Variants in FAM47E observed in about 807,000 individuals in gnomAD.
FAM47E encodes the protein family with sequence similarity 47 member E.
A neutral mutation model predicts 41.6 loss-of-function variants in FAM47E; 32 were observed. The ratio of observed to expected loss-of-function variants is 0.77; its 90% CI spans 0.58 to 1.03. The LOEUF (loss-of-function observed/expected upper bound fraction) is 1.03, where lower values mean the gene tolerates loss of function less well. FAM47E is among the 50% of genes least tolerant of loss of function. The pLI is 0.00. For synonymous variants in FAM47E, 184 were observed against 188.7 expected, an observed-to-expected ratio of 0.98 and a Z score of 0.20; for missense variants, 424 against 485.4, an observed-to-expected ratio of 0.87 and a Z score of 1.19.
At chr4:76,222,359 T>G (rs944843149) in intron 2 of FAM47E, among the ~76,000 whole-genome samples, 1 of 152,168 alleles carries the variant, frequency 6.6e-6, no homozygotes, top group African/African-American at 2.4e-5. Flanking sequence ...CCCCAGTAGC[T>G]GGGACTATAG....
rs758671265 is a variant in FAM47E at position 76,280,287 on chromosome 4, C to T, written c.1050C>T (p.His350=). 17 of 1,550,072 alleles carry T rather than the reference C, an allele frequency of 1.1e-5. No homozygotes were observed. The highest frequency in any genetic ancestry group is 7.3e-5 in the East Asian group (3 of 40,912). ...AGGAGGAGTTACTTGCAGACCTTCA[C>T]GGAACAGTTGCCTTTAAGGATTTCA... ...QEQEELLADL[H]GTVAFKDFIL... is the part of the protein sequence containing the mutation. The change falls in exon 7 of 8, where the codon CAC becomes CAT. Residue 350 remains histidine (H), a synonymous_variant. Coordinates refer to ENST00000424749, the MANE Select transcript of FAM47E (RefSeq NM_001136570.3).
chr4:76,230,370 C>T (rs1578753968), intron 2 of FAM47E, among the ~76,000 whole-genome samples: 2 of 152,234 alleles, frequency 1.3e-5, no homozygotes, highest in East Asian at 1.9e-4. Context: ...TCTGTGCCCT[C>T]CTAACAGTGG....
At chr4:76,243,756 A>G (rs1185854927) in intron 2 of FAM47E, among the ~76,000 whole-genome samples, 2 of 151,980 alleles carry the variant, frequency 1.3e-5, no homozygotes, top group African/African-American at 4.8e-5. Flanking sequence ...TTTAAGTTTT[A>G]GGTTTGTTTA....
At chr4:76,244,913 T>C (rs1733793091) in intron 2 of FAM47E, among the ~76,000 whole-genome samples, 2 of 152,254 alleles carry the variant, frequency 1.3e-5, no homozygotes, top group Non-Finnish European at 1.5e-5. Context: ...TGCACAGTTT[T>C]ATATAAACCA....
At chr4:76,235,145 G>A (rs1461371090) in intron 2 of FAM47E, among the ~76,000 whole-genome samples, 1 of 151,946 alleles carries the variant, frequency 6.6e-6, no homozygotes, top group Admixed American at 6.6e-5. Flanking sequence ...GTGAAAACCC[G>A]TCCCTACTAA....
At chr4:76,237,078 G>C (rs912155361) in intron 2 of FAM47E, among the ~76,000 whole-genome samples, 2 of 151,658 alleles carry the variant, frequency 1.3e-5, no homozygotes, top group Admixed American at 6.6e-5. Context: ...TGTATTTTTA[G>C]TAGAGACGAG....
intron 7 of FAM47E, 134 bp from the exon 8 acceptor site, chr4:76,283,247 T>G: frequency 2.7e-6 from 1 of 367,480 alleles, no homozygotes. Context: ...ATTATTAACA[T>G]GTGATTTTGC....
At chr4:76,225,369 T>A (rs1195561244) in intron 2 of FAM47E, among the ~76,000 whole-genome samples, 1 of 152,206 alleles carries the variant, frequency 6.6e-6, no homozygotes, top group Non-Finnish European at 1.5e-5. Flanking sequence ...CTTTACCAAT[T>A]TGGATGCCTT....
chr4:76,247,094 GCACTAA>G (rs1414215223), upstream of FAM47E, among the ~76,000 whole-genome samples: 3 of 151,938 alleles, frequency 2.0e-5, no homozygotes, highest in Non-Finnish European at 4.4e-5. Context: ...TATCCATTAT[GCACTAA>G]CTCCTCATTT....
chr4:76,268,457 T>G (rs1195769611), intron 3 of FAM47E: 4 of 509,432 alleles, frequency 7.9e-6, no homozygotes, highest in Non-Finnish European at 1.3e-5. Flanking sequence ...TTAATTATTA[T>G]AACTAATCAT....
At chr4:76,237,358 T>TTG (rs1464514465) in intron 2 of FAM47E, among the ~76,000 whole-genome samples, 4 of 137,174 alleles carry the variant, frequency 2.9e-5, no homozygotes, top group African/African-American at 1.0e-4. Context: ...AGAGTTTTTT[T>TTG]TTTTTTGTTT....
intron 2 of FAM47E, among the ~76,000 whole-genome samples, chr4:76,246,113 G>T (rs1165332137): frequency 6.6e-6 from 1 of 152,168 alleles, no homozygotes; most frequent in African/African-American, 2.4e-5. Context: ...TGAGGGAGAA[G>T]GTTGACAGTA....
chr4:76,215,921 T>G (rs1295536006), intron 1 of FAM47E, among the ~76,000 whole-genome samples: 1 of 151,958 alleles, frequency 6.6e-6, no homozygotes, highest in Non-Finnish European at 1.5e-5. Context: ...AGCCACTGAG[T>G]GTTGGTGTGG....
intron 2 of FAM47E, among the ~76,000 whole-genome samples, chr4:76,240,187 T>C (rs1733677822): frequency 6.6e-6 from 1 of 152,226 alleles, no homozygotes; most frequent in Non-Finnish European, 1.5e-5. Context: ...GGATTCTTAG[T>C]TGATAGTTTC....
intron 5 of FAM47E, among the ~76,000 whole-genome samples, chr4:76,274,296 G>A (rs975004208): frequency 5.3e-5 from 8 of 152,212 alleles, no homozygotes; most frequent in Admixed American, 5.2e-4. Flanking sequence ...TTGGGGTTGG[G>A]TGTGGTGGCT....
At chr4:76,242,966 A>G (rs1335609064) in intron 2 of FAM47E, among the ~76,000 whole-genome samples, 3 of 152,222 alleles carry the variant, frequency 2.0e-5, no homozygotes, top group Non-Finnish European at 2.9e-5. Flanking sequence ...TAACAATCTT[A>G]TAACATAGAC....
At position 76,256,169 on chromosome 4, in the gene FAM47E, A is replaced by G. The variant is rs1443905656; in HGVS notation, c.75-9A>G. ...TTCTAGGTACAAAGAGAATCTATCT[A>G]CCTTCCAGATGTTTCACAAAGCACA... is the stretch of plus-strand genomic sequence containing the variant. On this transcript the variant is annotated splice_polypyrimidine_tract_variant and intron_variant, in intron 1 of 7. Coordinates refer to ENST00000424749, the MANE Select transcript of FAM47E (RefSeq NM_001136570.3). The G allele has an allele frequency of 5.8e-6, 9 of 1,548,894 alleles. No individual in the cohort carries two copies. Among genetic ancestry groups the G allele is most frequent in the African/African-American group, 4.1e-5 (3 of 72,936 alleles).
chr4:76,257,097 A>G (rs919484384), intron 2 of FAM47E, among the ~76,000 whole-genome samples: 1 of 152,092 alleles, frequency 6.6e-6, no homozygotes, highest in Non-Finnish European at 1.5e-5. Context: ...TTGTATCTCA[A>G]AGTGGCTTCC....
At chr4:76,263,588 G>A in intron 2 of FAM47E, 116 bp from the exon 3 acceptor site, 3 of 1,295,052 alleles carry the variant, frequency 2.3e-6, no homozygotes, top group Non-Finnish European at 3.2e-6. Flanking sequence ...TTGGTGAACA[G>A]CACTGATGGA....
Sources: gnomAD v4.1 joint callset for allele counts (sites outside exome capture counted in the v4.1 genomes callset) on GRCh38, gnomAD v4.1.1 for gene constraint, MANE v1.5 for transcripts, NCBI Gene and HGNC (gene_info 2026-07-23, HGNC 2026-07-21) for gene names.